The following MOB2 variants were observed in gnomAD, a reference collection of about 807,000 sequenced individuals.
The protein encoded by MOB2 is MOB2 Mps One Binder homolog.
MOB2 carries 14 observed loss-of-function variants against 27.4 expected under a neutral mutation model. The observed-to-expected ratio is 0.51, with a 90% CI of 0.34 to 0.80. MOB2 has a LOEUF of 0.80. MOB2 is among the 30% of genes least tolerant of loss of function. The probability of loss-of-function intolerance (pLI) is 0.01; values close to 1 mark genes in which losing one functional copy is unlikely to be tolerated. For missense variants in MOB2, 304 were observed against 354.6 expected (o/e 0.86, Z 1.15); for synonymous variants, 167 against 151.8 (o/e 1.10, Z -0.74).
intron 1 of MOB2, 49 bp from the exon 2 acceptor site, chr11:1,480,934 A>C: frequency 6.5e-7 from 1 of 1,542,974 alleles, no homozygotes; most frequent in African/African-American, 1.4e-5. Flanking sequence ...CATCAGACCC[A>C]GGGTCTGCCC....
intron 4 of MOB2, 35 bp from the exon 5 acceptor site, chr11:1,470,523 T>A: frequency 6.3e-7 from 1 of 1,591,112 alleles, no homozygotes; most frequent in Non-Finnish European, 8.6e-7. Flanking sequence ...GCTGCAGACA[T>A]CCCTTGGCCC....
intron 3 of MOB2, 134 bp from the exon 4 acceptor site, chr11:1,471,553 T>C: frequency 9.5e-7 from 1 of 1,048,564 alleles, no homozygotes; most frequent in South Asian, 1.5e-5. Context: ...GGTGTCTCCC[T>C]CCCTGGACAT....
chr11:1,482,591 G>A (rs560848203), intron 1 of MOB2, among the ~76,000 whole-genome samples: 5 of 152,308 alleles, frequency 3.3e-5, no homozygotes, highest in East Asian at 1.9e-4. Context: ...AAGTACGCAC[G>A]AGGCCCTCCA....
chr11:1,486,349 G>T, intron 1 of MOB2, 98 bp downstream of exon 1: 1 of 923,598 alleles, frequency 1.1e-6, no homozygotes, highest in Non-Finnish European at 1.7e-6. Context: ...CACGGACACA[G>T]TCCGCCGCCT....
chr11:1,477,162 C>T (rs924689801), intron 3 of MOB2, among the ~76,000 whole-genome samples: 13 of 151,814 alleles, frequency 8.6e-5, no homozygotes, highest in Non-Finnish European at 1.2e-4. Flanking sequence ...GGGCTGCAAT[C>T]CCCGGCGATC....
intron 3 of MOB2, among the ~76,000 whole-genome samples, chr11:1,474,030 G>A (rs566697014): frequency 1.0e-3 from 152 of 152,362 alleles, no homozygotes; most frequent in Non-Finnish European, 1.7e-3. Context: ...TGGACATGGC[G>A]TGCTCATCTA....
At chr11:1,481,174 C>T in intron 1 of MOB2, 1 of 523,222 alleles carries the variant, frequency 1.9e-6, no homozygotes, top group Admixed American at 2.9e-5. Context: ...CTCACCAAGT[C>T]CTCCAACCAG....
chr11:1,476,488 T>C (rs1554927621), intron 3 of MOB2, among the ~76,000 whole-genome samples: 2 of 152,242 alleles, frequency 1.3e-5, no homozygotes, highest in Non-Finnish European at 1.5e-5. Flanking sequence ...CACTCCTTTT[T>C]ATTGATCATT....
chr11:1,477,688 G>A (rs995814528), intron 3 of MOB2, among the ~76,000 whole-genome samples: 1 of 152,162 alleles, frequency 6.6e-6, no homozygotes, highest in East Asian at 1.9e-4. Flanking sequence ...CTGGTCCACA[G>A]TGGATCTTCA....
rs1411210265 is a variant in MOB2, at chr11:1,471,290, C to T, written c.490+5G>A. On this transcript the variant is annotated splice_donor_5th_base_variant and intron_variant, in intron 4 of 4. Transcript: ENST00000329957. ...GATGACCGCCCAGTGCTGGGGGAGACGAACCGTATTTTGTGGGGAACACGT... is the reference window on the plus strand; with the variant it reads ...GATGACCGCCCAGTGCTGGGGGAGATGAACCGTATTTTGTGGGGAACACGT... 3.1e-6 allele frequency: 5 copies of T among 1,610,474 alleles called. No individual in the cohort carries two copies. The highest frequency in any genetic ancestry group is 4.2e-6 in the Non-Finnish European group (5 of 1,178,314).
At chr11:1,481,312 C>T in intron 1 of MOB2, 1 of 253,098 alleles carries the variant, frequency 4.0e-6, no homozygotes, top group Non-Finnish European at 8.1e-6. Context: ...CCTGCCCCTG[C>T]CGCTGGTGGC....
Position 1,485,500 on chromosome 11 carries a change from G to A in MOB2, c.110+947C>T, listed in dbSNP as rs371437189. Among the ~76,000 whole-genome samples, 42 of 152,336 alleles carry A rather than the reference G, an allele frequency of 2.8e-4. 1 individual carries two copies. The highest frequency in any genetic ancestry group is 2.7e-3 in the East Asian group (14 of 5,188). Reference sequence around the variant, plus strand: ...CTCCCTGTTGAATGCACAGGTGATCGGGAGATAGGGAAGGAGCCTATGAAG... The same window carrying A: ...CTCCCTGTTGAATGCACAGGTGATCAGGAGATAGGGAAGGAGCCTATGAAG... On this transcript the variant is annotated intron_variant, in intron 1 of 4. Coordinates refer to ENST00000329957, the MANE Select transcript of MOB2 (RefSeq NM_001172223.3).
rs1399287792 is a variant in MOB2 at position 1,469,999 on chromosome 11, G to C, written c.*173C>G. 1 of 1,505,708 alleles carries C rather than the reference G, an allele frequency of 6.6e-7. No individual in the cohort carries two copies. 93.3% of individuals were successfully genotyped at this position (1,505,708 alleles called of 1,614,324 possible). A position where few individuals can be genotyped will look rare whatever the true frequency, so the allele number is the denominator to read the frequency against. On this transcript the variant is annotated 3_prime_UTR_variant, in exon 5 of 5. Coordinates refer to ENST00000329957, the MANE Select transcript of MOB2 (RefSeq NM_001172223.3). ...GCATCCATCCGACAGGGGGCCACAG[G>C]ACACGGCCGGGGCCGTCTGCGTCTG... is the stretch of plus-strand genomic sequence containing the variant.
chr11:1,486,509 G>A lies in MOB2; in HGVS notation c.48C>T (p.Gly16=), dbSNP rs1404157636. Residue 16 remains glycine, a synonymous_variant, in exon 1 of 5, where the codon GGC becomes GGT. Coordinates refer to ENST00000329957, the MANE Select transcript of MOB2 (RefSeq NM_001172223.3). ...AGCAGAGTCCACTTTGCAGGGACTGGCCGGGCCGGGCTTGGTCTTCAGGGA... is the reference window on the plus strand; with the variant it reads ...AGCAGAGTCCACTTTGCAGGGACTGACCGGGCCGGGCTTGGTCTTCAGGGA... ...CSLPEDQARP[G]QSLQSGLCCK... is the part of the protein sequence containing the mutation. 6.5e-7 allele frequency: 1 copy of A among 1,534,604 alleles called. No individual in the cohort carries two copies. Among genetic ancestry groups the A allele is most frequent in the Non-Finnish European group, 8.7e-7 (1 of 1,145,700 alleles).
At chr11:1,477,374 G>A (rs1023169177) in intron 3 of MOB2, among the ~76,000 whole-genome samples, 1 of 152,146 alleles carries the variant, frequency 6.6e-6, no homozygotes, top group Admixed American at 6.5e-5. Flanking sequence ...TGTTTTCTCA[G>A]CACATCTTGT....
At chr11:1,475,153 T>C (rs1847838611) in intron 3 of MOB2, among the ~76,000 whole-genome samples, 1 of 152,256 alleles carries the variant, frequency 6.6e-6, no homozygotes, top group Admixed American at 6.5e-5. Flanking sequence ...GTTAAGTTTA[T>C]AACTAAGGAT....
At chr11:1,474,491 T>G (rs1002365549) in intron 3 of MOB2, among the ~76,000 whole-genome samples, 1 of 152,258 alleles carries the variant, frequency 6.6e-6, no homozygotes, top group Non-Finnish European at 1.5e-5. Context: ...GCACGAGGCA[T>G]GAGGGATAGG....
At position 1,471,281 on chromosome 11, in the gene MOB2, T is replaced by TG; in HGVS notation, c.490+13dup. ...CACTGTGAGGATGACCGCCCAGTGC[T>TG]GGGGGAGACGAACCGTATTTTGTGG... On this transcript the variant is annotated intron_variant, in intron 4 of 4. Coordinates refer to ENST00000329957, the MANE Select transcript of MOB2 (RefSeq NM_001172223.3). The TG allele has an allele frequency of 6.2e-7, 1 of 1,608,640 alleles. No individual in the cohort carries two copies.
rs759934798 is a variant in MOB2 at position 1,470,252 on chromosome 11, CGGCCCCGCT to C, written c.718_726del (p.Ser240_Ala242del). On this transcript the variant is annotated inframe_deletion, in exon 5 of 5. Coordinates refer to ENST00000329957, the MANE Select transcript of MOB2 (RefSeq NM_001172223.3). Reference sequence around the variant, plus strand: ...CCACTGCCCCCACTGTGGACCCCGCCGGCCCCGCTGCATAGCACCTCGGTGAGGTCGTCC... The same window carrying C: ...CCACTGCCCCCACTGTGGACCCCGCCGCATAGCACCTCGGTGAGGTCGTCC... The C allele has an allele frequency of 9.6e-5, 155 of 1,612,696 alleles. No homozygotes were observed. In the South Asian group the frequency reaches 1.3e-3, roughly 13 times the overall value.
Sources: allele counts gnomAD v4.1 joint callset (sites outside exome capture counted in the v4.1 genomes callset), GRCh38; gene constraint gnomAD v4.1.1; transcripts MANE v1.5; gene names NCBI Gene and HGNC (gene_info 2026-07-23, HGNC 2026-07-21).